Variants in SCGN observed in about 807,000 individuals in gnomAD.
SCGN encodes secretagogin.
A neutral mutation model predicts 39.7 loss-of-function variants in SCGN; 30 were observed. That is an observed-to-expected ratio of 0.76 (90% CI 0.57 to 1.03). The LOEUF is 1.03. Among genes scored for constraint, SCGN ranks in the 50% least tolerant of loss-of-function variants. The pLI is 0.00. For missense variants in SCGN, 353 were observed against 349.4 expected, an observed-to-expected ratio of 1.01 and a Z score of -0.08; for synonymous variants, 106 against 114.1, an observed-to-expected ratio of 0.93 and a Z score of 0.45.
chr6:25,683,248 G>C (rs909418526), intron 7 of SCGN, among the ~76,000 whole-genome samples: 6 of 152,200 alleles, frequency 3.9e-5, no homozygotes, highest in African/African-American at 1.4e-4. Flanking sequence ...AATGGAGGCA[G>C]GGTTCCTCTC....
intron 3 of SCGN, among the ~76,000 whole-genome samples, chr6:25,664,312 G>GT (rs1490633896): frequency 1.3e-5 from 2 of 152,190 alleles, no homozygotes; most frequent in Non-Finnish European, 2.9e-5. Context: ...CTGAAATATT[G>GT]TATGTATACA....
At chr6:25,665,856 G>A (rs1363197873) in intron 4 of SCGN, among the ~76,000 whole-genome samples, 2 of 152,072 alleles carry the variant, frequency 1.3e-5, no homozygotes, top group Non-Finnish European at 2.9e-5. Context: ...AAGCAAAATG[G>A]CAAAGATTTT....
chr6:25,684,896 T>G (rs1759685066), intron 7 of SCGN, among the ~76,000 whole-genome samples: 1 of 152,200 alleles, frequency 6.6e-6, no homozygotes, highest in South Asian at 2.1e-4. Context: ...TGAATTAAAG[T>G]TGCAGATCTA....
intron 6 of SCGN, among the ~76,000 whole-genome samples, chr6:25,679,730 T>A (rs1759612057): frequency 6.6e-6 from 1 of 152,212 alleles, no homozygotes. Context: ...ATCATGAAGT[T>A]TATATTTCTT....
At chr6:25,690,792 T>C (rs1561769785) in intron 9 of SCGN, among the ~76,000 whole-genome samples, 1 of 152,234 alleles carries the variant, frequency 6.6e-6, no homozygotes, top group African/African-American at 2.4e-5. Context: ...GAAGGCAATA[T>C]ATGTCATACG....
intron 10 of SCGN, among the ~76,000 whole-genome samples, chr6:25,698,879 T>G (rs1252980253): frequency 2.9e-4 from 44 of 152,218 alleles, no homozygotes; most frequent in Admixed American, 2.9e-3. Flanking sequence ...CCAATTTCTG[T>G]TGCTCTTTCC....
At chr6:25,687,335 C>T (rs1302990391) in intron 7 of SCGN, among the ~76,000 whole-genome samples, 2 of 152,120 alleles carry the variant, frequency 1.3e-5, no homozygotes, top group Non-Finnish European at 2.9e-5. Context: ...GATGTCTTTT[C>T]ATTTACTTAG....
chr6:25,653,210 CT>C (rs1760164360), intron 1 of SCGN, among the ~76,000 whole-genome samples, 171 bp from the exon 2 acceptor site: 1 of 152,180 alleles, frequency 6.6e-6, no homozygotes, highest in Non-Finnish European at 1.5e-5. Flanking sequence ...ACAGTGTTTA[CT>C]GTTCAAACCC....
At chr6:25,684,821 GA>G (rs542380985) in intron 7 of SCGN, among the ~76,000 whole-genome samples, 262 of 151,212 alleles carry the variant, frequency 1.7e-3, no homozygotes, top group African/African-American at 6.2e-3. Flanking sequence ...AAAAAGAAAG[GA>G]AAAAAAAGAT....
chr6:25,681,923 T>C (rs2151380979), intron 6 of SCGN, 28 bp from the exon 7 acceptor site: 1 of 1,593,220 alleles, frequency 6.3e-7, no homozygotes, highest in African/African-American at 1.3e-5. Context: ...CTGTTACAAG[T>C]ACAACCATTT....
chr6:25,682,732 A>C (rs370403386), intron 7 of SCGN, among the ~76,000 whole-genome samples: 32 of 152,318 alleles, frequency 2.1e-4, no homozygotes, highest in African/African-American at 7.2e-4. Context: ...TGGTAATTGT[A>C]AGCAGGGCAG....
chr6:25,653,361 T>C (rs752317379), intron 1 of SCGN, 21 bp from the exon 2 acceptor site: 1 of 1,493,142 alleles, frequency 6.7e-7, no homozygotes, highest in Non-Finnish European at 9.3e-7. Context: ...GTATTATTTA[T>C]GTTTATTTTC....
At position 25,654,339 on chromosome 6, in the gene SCGN, C is replaced by T. The variant is rs962174655; in HGVS notation, c.153+887C>T. Reference sequence around the variant, plus strand: ...GAGGGTATGTGGGGGGCAGGGGAAGCTGGTTCAGAAACAAAAGGGCTGGCT... The same window carrying T: ...GAGGGTATGTGGGGGGCAGGGGAAGTTGGTTCAGAAACAAAAGGGCTGGCT... On this transcript the variant is annotated intron_variant, in intron 2 of 10. Coordinates refer to ENST00000377961, the MANE Select transcript of SCGN (RefSeq NM_006998.4). Among the ~76,000 whole-genome samples, 67 of 152,184 alleles carry T rather than the reference C, an allele frequency of 4.4e-4. 1 individual carries two copies. The highest frequency in any genetic ancestry group is 1.5e-3 in the African/African-American group (62 of 41,438).
intron 7 of SCGN, among the ~76,000 whole-genome samples, chr6:25,687,831 C>G (rs1485217689): frequency 6.6e-6 from 1 of 151,728 alleles, no homozygotes; most frequent in Non-Finnish European, 1.5e-5. Context: ...TATTTTAATT[C>G]CCTTATTATT....
intron 6 of SCGN, among the ~76,000 whole-genome samples, chr6:25,673,310 C>G (rs190126447): frequency 6.6e-6 from 1 of 152,172 alleles, no homozygotes; most frequent in Non-Finnish European, 1.5e-5. Context: ...TTCCCCTCCC[C>G]CTTAAACCAG....
chr6:25,653,358 T>C (rs946649570), intron 1 of SCGN, 24 bp from the exon 2 acceptor site: 3 of 1,466,312 alleles, frequency 2.0e-6, no homozygotes, highest in Non-Finnish European at 2.9e-6. Context: ...TTAGTATTAT[T>C]TATGTTTATT....
chr6:25,701,324 A>G lies in SCGN; in HGVS notation c.820A>G (p.Ile274Val), dbSNP rs1429813903. ...SELALCLGLK[I>V]NP ...GCTGGCTTTGTGTCTTGGGCTGAAAATCAACCCATAATCCCAGACTGCTTT... is the reference window on the plus strand; with the variant it reads ...GCTGGCTTTGTGTCTTGGGCTGAAAGTCAACCCATAATCCCAGACTGCTTT... The change falls in exon 11 of 11, where the codon ATC (isoleucine) becomes GTC (valine). Residue 274 changes from isoleucine (I) to valine (V), a missense_variant. By Grantham distance (29) the Ile-to-Val change is conservative. Transcript: ENST00000377961. 2.5e-6 allele frequency: 4 copies of G among 1,612,090 alleles called. No homozygotes were observed. Among genetic ancestry groups the G allele is most frequent in the Non-Finnish European group, 3.4e-6 (4 of 1,179,256 alleles).
chr6:25,687,002 G>A (rs1270782771), intron 7 of SCGN, among the ~76,000 whole-genome samples: 17 of 152,038 alleles, frequency 1.1e-4, no homozygotes, highest in Admixed American at 9.8e-4. Context: ...CTGGCCATAT[G>A]TATGGGTTTA....
intron 10 of SCGN, among the ~76,000 whole-genome samples, chr6:25,698,296 A>G (rs1331701996): frequency 6.6e-6 from 1 of 152,198 alleles, no homozygotes; most frequent in Non-Finnish European, 1.5e-5. Flanking sequence ...AATATTTTCT[A>G]CTCACTTGAA....
Sources: allele counts gnomAD v4.1 joint callset (sites outside exome capture counted in the v4.1 genomes callset), GRCh38; gene constraint gnomAD v4.1.1; transcripts MANE v1.5; gene names NCBI Gene and HGNC (gene_info 2026-07-23, HGNC 2026-07-21).